ADAMTSL1: variants seen among roughly 807,000 people sequenced by gnomAD.
The protein encoded by ADAMTSL1 is ADAMTS like 1.
In ADAMTSL1, 126 loss-of-function variants were observed where a neutral mutation model predicts 201.8. The observed-to-expected ratio is 0.62, with a 90% CI of 0.54 to 0.72. The LOEUF is 0.72. ADAMTSL1 is among the 30% of genes least tolerant of loss of function. The probability of loss-of-function intolerance (pLI) is 0.00; values close to 1 mark genes in which losing one functional copy is unlikely to be tolerated. For synonymous variants in ADAMTSL1, 1,121 were observed against 903.4 expected, an observed-to-expected ratio of 1.24 and a Z score of -4.32; for missense variants, 2,679 against 2,277.8, an observed-to-expected ratio of 1.18 and a Z score of -3.59.
chr9:17,994,010 AT>A (rs201910538), intron 1 of ADAMTSL1, among the ~76,000 whole-genome samples: 7 of 150,956 alleles, frequency 4.6e-5, no homozygotes, highest in Admixed American at 3.3e-4. Flanking sequence ...TTTTAATTCG[AT>A]TTTTTTTGCC....
chr9:18,225,898 G>A (rs979808173), intron 2 of ADAMTSL1, among the ~76,000 whole-genome samples: 3 of 151,964 alleles, frequency 2.0e-5, no homozygotes, highest in Non-Finnish European at 4.4e-5. Context: ...TGAATTCAAG[G>A]CCTGTATTTC....
chr9:18,089,011 A>G (rs1259377549), intron 1 of ADAMTSL1, among the ~76,000 whole-genome samples: 4 of 152,208 alleles, frequency 2.6e-5, no homozygotes, highest in African/African-American at 9.6e-5. Context: ...ATGAATGGGT[A>G]CACAAAATGT....
chr9:18,788,024 A>G (rs1226999453), intron 19 of ADAMTSL1, among the ~76,000 whole-genome samples: 1 of 152,218 alleles, frequency 6.6e-6, no homozygotes, highest in Non-Finnish European at 1.5e-5. Context: ...TCCCATTCCT[A>G]AAATATTTTC....
chr9:17,951,211 G>C (rs1319345706), intron 1 of ADAMTSL1, among the ~76,000 whole-genome samples: 1 of 152,134 alleles, frequency 6.6e-6, no homozygotes, highest in Non-Finnish European at 1.5e-5. Flanking sequence ...GGGATGAATT[G>C]TGGATCTGGA....
chr9:18,361,309 A>C (rs1423091823), intron 2 of ADAMTSL1, among the ~76,000 whole-genome samples: 1 of 152,198 alleles, frequency 6.6e-6, no homozygotes, highest in African/African-American at 2.4e-5. Flanking sequence ...TAATTATTCA[A>C]CTCCTAAAAT....
At chr9:18,177,829 T>G (rs1443795516) in intron 2 of ADAMTSL1, among the ~76,000 whole-genome samples, 4 of 152,102 alleles carry the variant, frequency 2.6e-5, no homozygotes, top group Non-Finnish European at 5.9e-5. Context: ...ACAGCTAGCT[T>G]AAGGAAGAAG....
chr9:18,210,887 A>G (rs1184499331), intron 2 of ADAMTSL1, among the ~76,000 whole-genome samples: 1 of 152,012 alleles, frequency 6.6e-6, no homozygotes, highest in Non-Finnish European at 1.5e-5. Flanking sequence ...TTGTCACCAT[A>G]GAGTTTAAAG....
intron 15 of ADAMTSL1, among the ~76,000 whole-genome samples, chr9:18,725,503 A>G (rs1280209214): frequency 1.3e-5 from 2 of 152,196 alleles, no homozygotes; most frequent in Non-Finnish European, 2.9e-5. Context: ...TCTAAAAGCC[A>G]TATCATCCAC....
chr9:18,725,248 T>G (rs557568674), intron 15 of ADAMTSL1, among the ~76,000 whole-genome samples: 1 of 152,026 alleles, frequency 6.6e-6, no homozygotes, highest in South Asian at 2.1e-4. Context: ...TGGCAAAGTA[T>G]CCCCCAAGTA....
rs116380585 is a variant in ADAMTSL1 at position 18,791,495 on chromosome 9, T to C, written c.3678-3902T>C. Among the ~76,000 whole-genome samples, 691 of 152,180 alleles carry C rather than the reference T, an allele frequency of 4.5e-3. 6 individuals carry two copies. The highest frequency in any genetic ancestry group is 0.016 in the African/African-American group (657 of 41,524). On this transcript the variant is annotated intron_variant, in intron 19 of 28. Transcript: ENST00000380548. ...AGCACGACTAAACAGTTGAGTCTTA[T>C]GGTGGTCCCAAAGGGATTATAGGGT... is the stretch of plus-strand genomic sequence containing the variant.
chr9:18,054,721 G>T (rs1156559581), intron 1 of ADAMTSL1, among the ~76,000 whole-genome samples: 3 of 152,148 alleles, frequency 2.0e-5, no homozygotes, highest in Admixed American at 6.5e-5. Context: ...GGGGTTACAT[G>T]TACTTCAATA....
intron 1 of ADAMTSL1, among the ~76,000 whole-genome samples, chr9:18,086,045 G>C (rs536777307): frequency 3.5e-4 from 54 of 152,172 alleles, no homozygotes; most frequent in Middle Eastern, 3.4e-3. Context: ...CAGGCCTTTT[G>C]CCCTCAGCAG....
chr9:18,599,121 C>A (rs983218281), intron 4 of ADAMTSL1, among the ~76,000 whole-genome samples: 1 of 152,202 alleles, frequency 6.6e-6, no homozygotes, highest in African/African-American at 2.4e-5. Flanking sequence ...TGTTGATGCA[C>A]CCATCCATGC....
At chr9:18,435,520 T>C (rs1378261867) in intron 2 of ADAMTSL1, among the ~76,000 whole-genome samples, 2 of 152,080 alleles carry the variant, frequency 1.3e-5, no homozygotes, top group African/African-American at 4.8e-5. Context: ...GGGTTGGAAG[T>C]AGGGGCTCTG....
chr9:18,370,706 T>G (rs1353008327), intron 2 of ADAMTSL1, among the ~76,000 whole-genome samples: 1 of 151,962 alleles, frequency 6.6e-6, no homozygotes, highest in Non-Finnish European at 1.5e-5. Flanking sequence ...TTTTTTTTTT[T>G]TTTAAGAAAG....
At chr9:18,618,192 A>G (rs552880373) in intron 4 of ADAMTSL1, among the ~76,000 whole-genome samples, 1 of 152,202 alleles carries the variant, frequency 6.6e-6, no homozygotes, top group Non-Finnish European at 1.5e-5. Context: ...GCTGTCATTT[A>G]TGGTATGTCT....
chr9:18,000,673 G>T (rs1819574416), intron 1 of ADAMTSL1, among the ~76,000 whole-genome samples: 1 of 152,054 alleles, frequency 6.6e-6, no homozygotes, highest in African/African-American at 2.4e-5. Flanking sequence ...TGTAGCACTG[G>T]TTGTTGGCAA....
chr9:18,110,066 C>G lies in ADAMTSL1; in HGVS notation c.88-53796C>G, dbSNP rs548032443. On this transcript the variant is annotated intron_variant, in intron 1 of 29. Coordinates refer to the ADAMTSL1 transcript ENST00000680146. Reference sequence around the variant, plus strand: ...AGCCCCACAAGGCAGACAAAGGGCCCTAGCTTCTAGATGCCTTTTCTTTCT... The same window carrying G: ...AGCCCCACAAGGCAGACAAAGGGCCGTAGCTTCTAGATGCCTTTTCTTTCT... 3.3e-4 allele frequency among the ~76,000 whole-genome samples: 51 copies of G among 152,262 alleles called. No individual in the cohort carries two copies. In the South Asian group the frequency reaches 9.9e-3, roughly 30 times the overall value.
At chr9:18,194,089 A>T (rs533383680) in intron 2 of ADAMTSL1, among the ~76,000 whole-genome samples, 1 of 152,200 alleles carries the variant, frequency 6.6e-6, no homozygotes, top group East Asian at 1.9e-4. Flanking sequence ...GTGATAGTGA[A>T]ACTGTAACTG....
Sources: allele counts gnomAD v4.1 joint callset (sites outside exome capture counted in the v4.1 genomes callset), GRCh38; gene constraint gnomAD v4.1.1; transcripts MANE v1.5; gene names NCBI Gene and HGNC (gene_info 2026-07-23, HGNC 2026-07-21).